The following GRID1 variants were observed in gnomAD, a reference collection of about 807,000 sequenced individuals.
GRID1 encodes glutamate receptor ionotropic, delta-1.
Under a neutral mutation model 98.0 loss-of-function variants are expected in GRID1, and 28 were observed. That is an observed-to-expected ratio of 0.29 (90% CI 0.21 to 0.39). GRID1 has a LOEUF of 0.39. Among genes scored for constraint, GRID1 ranks in the 10% least tolerant of loss-of-function variants. The pLI, the probability that GRID1 is intolerant of heterozygous loss-of-function variation, is 1.00. For missense variants in GRID1, 1,111 were observed against 1,340.5 expected (o/e 0.83, Z 2.67); for synonymous variants, 553 against 538.5 (o/e 1.03, Z -0.37).
chr10:86,066,699 A>G (rs1843724647), intron 4 of GRID1, among the ~76,000 whole-genome samples: 1 of 152,240 alleles, frequency 6.6e-6, no homozygotes, highest in Admixed American at 6.5e-5. Context: ...CTCAGTTAAC[A>G]GCCTCTGAAA....
intron 3 of GRID1, 127 bp from the exon 4 acceptor site, chr10:86,139,151 CTCAGTG>C: frequency 1.5e-6 from 1 of 674,616 alleles, no homozygotes; most frequent in Non-Finnish European, 2.6e-6. Context: ...CCAAGTCAGC[CTCAGTG>C]ATTCCCGTAA....
chr10:86,012,140 T>C (rs1172216473), intron 4 of GRID1, among the ~76,000 whole-genome samples: 3 of 149,110 alleles, frequency 2.0e-5, no homozygotes, highest in Admixed American at 1.3e-4. Context: ...AATAAATAAA[T>C]AAAGTAGATG....
intron 11 of GRID1, among the ~76,000 whole-genome samples, chr10:85,724,121 T>C (rs1196925835): frequency 6.6e-6 from 1 of 152,194 alleles, no homozygotes; most frequent in African/African-American, 2.4e-5. Flanking sequence ...GTTAATTTTA[T>C]CTAAAGTGGA....
intron 9 of GRID1, among the ~76,000 whole-genome samples, chr10:85,728,561 A>T (rs905553394): frequency 8.5e-5 from 13 of 152,252 alleles, no homozygotes; most frequent in Admixed American, 5.9e-4. Context: ...AGGCCAGACC[A>T]GAAGCCAAAG....
At chr10:86,075,491 T>C (rs1843867867) in intron 4 of GRID1, among the ~76,000 whole-genome samples, 2 of 152,078 alleles carry the variant, frequency 1.3e-5, no homozygotes, top group Admixed American at 6.5e-5. Flanking sequence ...AAGGAACCAA[T>C]CCTGCCAACA....
intron 8 of GRID1, among the ~76,000 whole-genome samples, chr10:85,806,203 A>G (rs561988417): frequency 2.6e-5 from 4 of 152,264 alleles, no homozygotes; most frequent in African/African-American, 9.6e-5. Flanking sequence ...GTTACCAACA[A>G]GCACATGAAA....
At chr10:86,142,060 T>C (rs1289451369) in intron 3 of GRID1, among the ~76,000 whole-genome samples, 2 of 152,192 alleles carry the variant, frequency 1.3e-5, no homozygotes, top group African/African-American at 4.8e-5. Context: ...CCATTTCCAC[T>C]CTTGAACCAT....
At chr10:85,609,413 C>T (rs1295236870) in intron 15 of GRID1, among the ~76,000 whole-genome samples, 2 of 152,232 alleles carry the variant, frequency 1.3e-5, no homozygotes, top group East Asian at 1.9e-4. Flanking sequence ...TATGCCTTCC[C>T]TTGTTGAATC....
chr10:86,199,194 C>G (rs79391469), intron 3 of GRID1, among the ~76,000 whole-genome samples: 4,106 of 152,164 alleles, frequency 0.027, 98 homozygotes, highest in African/African-American at 0.045. Context: ...CACTCAGATA[C>G]ACACACATAG....
In GRID1 at chr10:86,200,728, A is replaced by G. The variant is rs149260629; in HGVS notation, c.520+5636T>C. Among the ~76,000 whole-genome samples the G allele has an allele frequency of 6.0e-4, 91 of 152,356 alleles. 1 individual carries two copies. The East Asian group carries it at 0.016, about 27-fold the overall frequency. On this transcript the variant is annotated intron_variant, in intron 3 of 15. Transcript: ENST00000327946. ...ACTTAAAGAAGATATTGCCACACTT[A>G]AAAAGAAAAGGCTCGATTTTAAAAA...
At chr10:85,706,658 A>G (rs1564565911) in intron 12 of GRID1, among the ~76,000 whole-genome samples, 2 of 152,214 alleles carry the variant, frequency 1.3e-5, no homozygotes, top group Admixed American at 6.5e-5. Context: ...TGCCAAGTCA[A>G]TCCTAAGCCA....
At chr10:86,216,932 T>A (rs1320455145) in intron 2 of GRID1, among the ~76,000 whole-genome samples, 1 of 151,982 alleles carries the variant, frequency 6.6e-6, no homozygotes, top group African/African-American at 2.4e-5. Flanking sequence ...ACCAAGAAGG[T>A]GCTTCCAGCT....
chr10:85,949,426 A>G (rs578013552), intron 4 of GRID1, among the ~76,000 whole-genome samples: 84 of 152,310 alleles, frequency 5.5e-4, no homozygotes, highest in African/African-American at 2.0e-3. Context: ...AAAACAATAC[A>G]TCATGAACAT....
rs190478129 is a variant in GRID1 at position 85,805,807 on chromosome 10, A to G, written c.1233+48689T>C. Among the ~76,000 whole-genome samples, 801 of 152,080 alleles carry G rather than the reference A, an allele frequency of 5.3e-3. 11 individuals are homozygous for G. The highest frequency in any genetic ancestry group is 0.018 in the African/African-American group (761 of 41,550). Reference sequence around the variant, plus strand: ...AAATAAATACCTTGATACCTCCCTCACAACACATACAAAACAATAATTCAA... The same window carrying G: ...AAATAAATACCTTGATACCTCCCTCGCAACACATACAAAACAATAATTCAA... On this transcript the variant is annotated intron_variant, in intron 8 of 15. Transcript: ENST00000327946.
At chr10:86,217,615 C>T (rs1219962670) in intron 2 of GRID1, among the ~76,000 whole-genome samples, 1 of 152,118 alleles carries the variant, frequency 6.6e-6, no homozygotes, top group Non-Finnish European at 1.5e-5. Context: ...AAAGAGGCAG[C>T]CGGCTTCCCA....
intron 4 of GRID1, among the ~76,000 whole-genome samples, chr10:86,046,777 CT>C (rs1198057717): frequency 1.3e-5 from 2 of 149,938 alleles, no homozygotes; most frequent in Admixed American, 1.3e-4. Context: ...AAACTCACAA[CT>C]TTTGATCACT....
In GRID1 at chr10:86,277,084, T is replaced by A. The variant is rs61856578; in HGVS notation, c.236-70436A>T. 2.4e-3 allele frequency among the ~76,000 whole-genome samples: 368 copies of A among 152,300 alleles called. 2 individuals are homozygous for A. Among genetic ancestry groups the A allele is most frequent in the Non-Finnish European group, 4.5e-3 (306 of 68,018 alleles). The stretch of plus-strand genomic sequence containing the variant: ...GGGAGAGGAAAATGGAGAGTTATTG[T>A]TTAACAGGTACAGAGTTTCAGTTTG... On this transcript the variant is annotated intron_variant, in intron 2 of 15. Coordinates refer to ENST00000327946, the MANE Select transcript of GRID1 (RefSeq NM_017551.3).
chr10:85,639,477 G>T (rs1454642204), intron 13 of GRID1, among the ~76,000 whole-genome samples: 1 of 152,210 alleles, frequency 6.6e-6, no homozygotes, highest in Non-Finnish European at 1.5e-5. Flanking sequence ...TAGGTATCTT[G>T]TTTTGGGTGA....
chr10:85,677,720 C>T (rs888558644), intron 12 of GRID1, among the ~76,000 whole-genome samples: 6 of 152,242 alleles, frequency 3.9e-5, no homozygotes, highest in Admixed American at 1.3e-4. Flanking sequence ...TAAGTTTGAC[C>T]GGAGTCTCCC....
Sources: gnomAD v4.1 joint callset for allele counts (sites outside exome capture counted in the v4.1 genomes callset) on GRCh38, gnomAD v4.1.1 for gene constraint, MANE v1.5 for transcripts, NCBI Gene and HGNC (gene_info 2026-07-23, HGNC 2026-07-21) for gene names.